PLEKHG4B: variants seen among roughly 807,000 people sequenced by gnomAD.
PLEKHG4B encodes the protein pleckstrin homology domain-containing family G member 4B.
Under a neutral mutation model 121.3 loss-of-function variants are expected in PLEKHG4B, and 111 were observed. That is an observed-to-expected ratio of 0.92 (90% confidence interval 0.78 to 1.07). The LOEUF (loss-of-function observed/expected upper bound fraction) is 1.07, where lower values mean the gene tolerates loss of function less well. Ranked by LOEUF, PLEKHG4B falls within the 50% of genes least tolerant of loss-of-function variation. The pLI, the probability that PLEKHG4B is intolerant of heterozygous loss-of-function variation, is 0.00. For synonymous variants in PLEKHG4B, 738 were observed against 725.0 expected, an observed-to-expected ratio of 1.02 and a Z score of -0.29; for missense variants, 1,831 against 1,757.8, an observed-to-expected ratio of 1.04 and a Z score of -0.74.
At chr5:177,538 G>T (rs548529680) in intron 18 of PLEKHG4B, among the ~76,000 whole-genome samples, 1 of 152,310 alleles carries the variant, frequency 6.6e-6, no homozygotes, top group Non-Finnish European at 1.5e-5. Flanking sequence ...ATCTGTACAG[G>T]TCTGCAGCAA....
At chr5:172,207 T>C (rs1736580084) in intron 16 of PLEKHG4B, among the ~76,000 whole-genome samples, 1 of 152,160 alleles carries the variant, frequency 6.6e-6, no homozygotes. Flanking sequence ...TGGTCACTTG[T>C]GTGGAGGCGC....
Position 148,359 on chromosome 5 carries a change from A to T in PLEKHG4B, c.1906-3154A>T, listed in dbSNP as rs538418751. 5.0e-4 allele frequency among the ~76,000 whole-genome samples: 65 copies of T among 128,996 alleles called. 1 individual carries two copies. Among genetic ancestry groups the T allele is most frequent in the East Asian group, 3.6e-3 (18 of 4,964 alleles). The allele number at this position is 128,996 out of a possible 152,430, so 84.6% of individuals were successfully genotyped here. On this transcript the variant is annotated intron_variant, in intron 6 of 19. Transcript: ENST00000637938. The stretch of plus-strand genomic sequence containing the variant: ...AACAGTTCCACAAAAAAAAAAAAAT[A>T]AATAAAAATAAGTTAATTCAGCAAA...
Position 102,955 on chromosome 5 carries a change from T to C in PLEKHG4B, c.46-10296T>C, listed in dbSNP as rs115475786. Among the ~76,000 whole-genome samples, 782 of 152,286 alleles carry C rather than the reference T, an allele frequency of 5.1e-3. 4 individuals carry two copies. Among genetic ancestry groups the C allele is most frequent in the African/African-American group, 0.017 (717 of 41,558 alleles). On this transcript the variant is annotated intron_variant, in intron 1 of 19. Transcript: ENST00000637938. ...AGCCGGTGGTTATGGTAAGCAAATCTGTTAGAGGCTTCTTGCTAGCACATC... is the reference window on the plus strand; with the variant it reads ...AGCCGGTGGTTATGGTAAGCAAATCCGTTAGAGGCTTCTTGCTAGCACATC...
At chr5:170,916 T>C in intron 14 of PLEKHG4B, 127 bp from the exon 15 acceptor site, 2 of 689,170 alleles carry the variant, frequency 2.9e-6, no homozygotes, top group Admixed American at 2.8e-5. Flanking sequence ...TTTCACCTGA[T>C]CATGGTACAA....
intron 2 of PLEKHG4B, among the ~76,000 whole-genome samples, chr5:121,480 A>G (rs913303626): frequency 6.6e-6 from 1 of 152,188 alleles, no homozygotes; most frequent in Admixed American, 6.5e-5. Flanking sequence ...CGAAATGTGT[A>G]TAGTTGCATT....
At chr5:121,359 C>T (rs1306015332) in intron 2 of PLEKHG4B, among the ~76,000 whole-genome samples, 2 of 151,962 alleles carry the variant, frequency 1.3e-5, no homozygotes, top group Admixed American at 1.3e-4. Flanking sequence ...AGAAAGGATA[C>T]ATGAATTTGA....
rs113627051 is a variant in PLEKHG4B, at chr5:185,634, G to A, written c.*3311G>A. ...TTGCTTCAAATCAGAAGGCATCTACGCCTGTGGAAGAGGAGGCTGCTGGGG... is the reference window on the plus strand; with the variant it reads ...TTGCTTCAAATCAGAAGGCATCTACACCTGTGGAAGAGGAGGCTGCTGGGG... On this transcript the variant is annotated 3_prime_UTR_variant, in exon 20 of 20. Coordinates refer to ENST00000637938, the MANE Select transcript of PLEKHG4B (RefSeq NM_052909.5). 5.2e-5 allele frequency: 8 copies of A among 152,702 alleles called. No individual in the cohort carries two copies. Among genetic ancestry groups the A allele is most frequent in the African/African-American group, 1.4e-4 (6 of 41,594 alleles). 9.5% of individuals were successfully genotyped at this position (152,702 alleles called of 1,614,324 possible).
Position 170,948 on chromosome 5 carries a change from G to T in PLEKHG4B, c.3730-95G>T. 1.1e-5 allele frequency: 11 copies of T among 958,134 alleles called. 1 individual carries two copies. The South Asian group carries it at 1.7e-4, about 15-fold the overall frequency. The allele number at this position is 958,134 out of a possible 1,614,324, so 59.4% of individuals were successfully genotyped here. On this transcript the variant is annotated intron_variant, in intron 14 of 19. Coordinates refer to ENST00000637938, the MANE Select transcript of PLEKHG4B (RefSeq NM_052909.5). ...ACAAACTGCACCTGGGGGGTCTTGG[G>T]ACGGGAGCAGTTCCAAGTCTGACCC...
Position 140,669 on chromosome 5 carries a change from C to T in PLEKHG4B, c.1430C>T (p.Thr477Ile), listed in dbSNP as rs1379115796. Residue 477 changes from threonine (T) to isoleucine (I), a missense_variant, in exon 3 of 20, where the codon ACC becomes ATC. Coordinates refer to ENST00000637938, the MANE Select transcript of PLEKHG4B (RefSeq NM_052909.5). ...CACCTAGGAGGACAAGCTGTGGGGA[C>T]CCCAAACTGTGTCCCAGTAGAGGGT... The part of the protein sequence containing the change: ...GGHLGGQAVG[T>I]PNCVPVEGPG... 1 of 1,602,790 alleles carries T rather than the reference C, an allele frequency of 6.2e-7. No homozygotes were observed. The highest frequency in any genetic ancestry group is 1.1e-5 in the South Asian group (1 of 90,214).
At chr5:134,888 A>T (rs1218176958) in intron 2 of PLEKHG4B, among the ~76,000 whole-genome samples, 1 of 151,944 alleles carries the variant, frequency 6.6e-6, no homozygotes, top group African/African-American at 2.4e-5. Flanking sequence ...AGCAACCCAA[A>T]GATTAAGATA....
intron 3 of PLEKHG4B, 115 bp from the exon 4 acceptor site, chr5:142,931 AC>A (rs1229667064): frequency 2.4e-5 from 24 of 983,488 alleles, no homozygotes; most frequent in Admixed American, 6.0e-5. Context: ...TTTTCTCGGA[AC>A]CCCCTACTTT....
chr5:144,948 G>T (rs757742642), intron 6 of PLEKHG4B, 28 bp downstream of exon 6: 6 of 1,598,764 alleles, frequency 3.8e-6, no homozygotes, highest in Non-Finnish European at 5.1e-6. Context: ...TATCCCTTGG[G>T]TGTGCAGAGC....
chr5:97,366 A>G (rs1733660480), intron 1 of PLEKHG4B, among the ~76,000 whole-genome samples: 3 of 151,698 alleles, frequency 2.0e-5, no homozygotes, highest in African/African-American at 7.3e-5. Context: ...CCTCATTCCG[A>G]AGTCAAAACC....
In PLEKHG4B at chr5:171,304, C is replaced by T; in HGVS notation, c.3910C>T (p.Gln1304Ter). 6.2e-7 allele frequency: 1 copy of T among 1,612,534 alleles called. No homozygotes were observed. Among genetic ancestry groups the T allele is most frequent in the Non-Finnish European group, 8.5e-7 (1 of 1,179,760 alleles). ...TGTGGCCAAGTACGCGCTGCTACTCCAGGACCTGCTCAAGGAGGCCAGCTG... is the reference window on the plus strand; with the variant it reads ...TGTGGCCAAGTACGCGCTGCTACTCTAGGACCTGCTCAAGGAGGCCAGCTG... ...QRVAKYALLL[Q>*]DLLKEASCGL... The change falls in exon 16 of 20, where the codon CAG becomes TAG. Residue 1304 changes from glutamine (Q) to a stop codon, truncating the protein, a stop_gained. Transcript: ENST00000637938. LOFTEE classifies it high-confidence loss of function.
chr5:148,240 T>G (rs1257425231), intron 6 of PLEKHG4B, among the ~76,000 whole-genome samples: 7 of 136,370 alleles, frequency 5.1e-5, no homozygotes, highest in African/African-American at 1.1e-4. Flanking sequence ...CAAGAAAAAG[T>G]GGGGGGTGGG....
chr5:102,493 A>G (rs564956371), intron 1 of PLEKHG4B, among the ~76,000 whole-genome samples: 1 of 152,256 alleles, frequency 6.6e-6, no homozygotes, highest in South Asian at 2.1e-4. Flanking sequence ...AAACACTGCA[A>G]CCGCCAGTGC....
At chr5:168,872 T>TC (rs1736441336) in intron 13 of PLEKHG4B, among the ~76,000 whole-genome samples, 3 of 147,090 alleles carry the variant, frequency 2.0e-5, no homozygotes, top group South Asian at 2.2e-4. Context: ...ATTCTTTTTT[T>TC]TTTTTTTTTT....
chr5:133,450 G>A (rs6887538), intron 2 of PLEKHG4B, among the ~76,000 whole-genome samples: 28,206 of 151,594 alleles, frequency 0.19, 3,605 homozygotes, highest in African/African-American at 0.36. Flanking sequence ...AAAAAAAACA[G>A]TCCCATCAAA....
intron 18 of PLEKHG4B, among the ~76,000 whole-genome samples, chr5:174,425 C>T (rs76443114): frequency 0.038 from 1,667 of 43,422 alleles, 35 homozygotes; most frequent in African/African-American, 0.13. Flanking sequence ...GTCCAGGGGC[C>T]GGGGGCCAAG....
Sources: allele counts gnomAD v4.1 joint callset (sites outside exome capture counted in the v4.1 genomes callset), GRCh38; gene constraint gnomAD v4.1.1; transcripts MANE v1.5; gene names NCBI Gene and HGNC (gene_info 2026-07-23, HGNC 2026-07-21).